Variants in TNKS observed in about 807,000 individuals in gnomAD.
The protein encoded by TNKS is tankyrase.
In TNKS, 72 loss-of-function variants were observed where a neutral mutation model predicts 135.8. The ratio of observed to expected loss-of-function variants is 0.53; its 90% CI spans 0.44 to 0.64. The LOEUF (loss-of-function observed/expected upper bound fraction) is 0.64, where lower values mean the gene tolerates loss of function less well. Ranked by LOEUF, TNKS falls within the 30% of genes least tolerant of loss-of-function variation. TNKS has a pLI of 0.00. For synonymous variants in TNKS, 849 were observed against 649.3 expected (o/e 1.31, Z -4.68); for missense variants, 1,769 against 1,674.0 (o/e 1.06, Z -0.99).
intron 26 of TNKS, 31 bp downstream of exon 26, chr8:9,770,293 G>C (rs770382276): frequency 3.8e-6 from 6 of 1,588,708 alleles, no homozygotes; most frequent in South Asian, 3.4e-5. Context: ...GCATAACCAA[G>C]TTCACAAACA....
In TNKS at chr8:9,777,026, TG is replaced by T; in HGVS notation, c.*292del. The T allele has an allele frequency of 2.8e-6, 1 of 359,168 alleles. No individual in the cohort carries two copies. Among genetic ancestry groups the T allele is most frequent in the Non-Finnish European group, 5.1e-6 (1 of 195,876 alleles). 22.2% of individuals were successfully genotyped at this position (359,168 alleles called of 1,614,324 possible). ...AAACAAGATTGCTTCGATCTAGACT[TG>T]GAAATGGAAAATAAGAAAACCAATG... On this transcript the variant is annotated 3_prime_UTR_variant, in exon 27 of 27. Transcript: ENST00000310430.
intron 2 of TNKS, among the ~76,000 whole-genome samples, chr8:9,594,708 A>C (rs1798709015): frequency 6.6e-6 from 1 of 152,194 alleles, no homozygotes; most frequent in South Asian, 2.1e-4. Flanking sequence ...CATTTTTTAA[A>C]ATCAGTCACC....
intron 21 of TNKS, among the ~76,000 whole-genome samples, chr8:9,762,552 T>TTTAA (rs1267770367): frequency 6.6e-6 from 1 of 152,142 alleles, no homozygotes; most frequent in African/African-American, 2.4e-5. Context: ...CATGATAGAG[T>TTTAA]TTAATTCAAC....
At chr8:9,696,744 G>A (rs960908533) in intron 5 of TNKS, among the ~76,000 whole-genome samples, 1 of 152,108 alleles carries the variant, frequency 6.6e-6, no homozygotes, top group Non-Finnish European at 1.5e-5. Flanking sequence ...AGCTATCCCA[G>A]AGAGATGAAA....
At chr8:9,609,762 G>A (rs749887018) in intron 2 of TNKS, among the ~76,000 whole-genome samples, 6 of 152,144 alleles carry the variant, frequency 3.9e-5, no homozygotes, top group African/African-American at 1.2e-4. Context: ...CTACTCTGCC[G>A]TTACTGAAAA....
At chr8:9,727,258 A>G (rs1007482171) in intron 13 of TNKS, among the ~76,000 whole-genome samples, 1 of 152,148 alleles carries the variant, frequency 6.6e-6, no homozygotes, top group Non-Finnish European at 1.5e-5. Context: ...CAAAAATTTT[A>G]TCAGTCTGTA....
chr8:9,746,543 A>C (rs1316499697), intron 17 of TNKS, among the ~76,000 whole-genome samples: 2 of 151,956 alleles, frequency 1.3e-5, no homozygotes, highest in Non-Finnish European at 2.9e-5. Flanking sequence ...TCCTTTTCCA[A>C]AATATTGTTG....
chr8:9,673,627 G>A (rs1340217593), intron 3 of TNKS, among the ~76,000 whole-genome samples: 1 of 151,770 alleles, frequency 6.6e-6, no homozygotes, highest in Non-Finnish European at 1.5e-5. Flanking sequence ...TGTGTTTTTA[G>A]TAGAGAGGAG....
chr8:9,570,354 G>C (rs2129051282), intron 1 of TNKS, among the ~76,000 whole-genome samples: 1 of 152,170 alleles, frequency 6.6e-6, no homozygotes, highest in Admixed American at 6.5e-5. Context: ...AGGTTCAAGA[G>C]GCCAAAAAAG....
chr8:9,761,819 T>A (rs967566289), intron 21 of TNKS, among the ~76,000 whole-genome samples, 183 bp downstream of exon 21: 2 of 152,188 alleles, frequency 1.3e-5, no homozygotes, highest in African/African-American at 4.8e-5. Context: ...TCTGAGTCAG[T>A]CTTCCCTGTC....
At chr8:9,769,950 T>C (rs1171593629) in intron 25 of TNKS, among the ~76,000 whole-genome samples, 156 bp from the exon 26 acceptor site, 1 of 152,210 alleles carries the variant, frequency 6.6e-6, no homozygotes, top group Non-Finnish European at 1.5e-5. Flanking sequence ...CAAATCATTA[T>C]ATCAAATTCC....
intron 2 of TNKS, among the ~76,000 whole-genome samples, chr8:9,612,362 G>A (rs941622978): frequency 1.3e-5 from 2 of 152,030 alleles, no homozygotes; most frequent in South Asian, 2.1e-4. Flanking sequence ...TCTGGGAATC[G>A]AATTTTATAT....
At chr8:9,620,159 A>G (rs1191567264) in intron 3 of TNKS, among the ~76,000 whole-genome samples, 1 of 152,146 alleles carries the variant, frequency 6.6e-6, no homozygotes, top group Non-Finnish European at 1.5e-5. Flanking sequence ...CACTTTGGCC[A>G]GGATGGTCTC....
At chr8:9,596,874 T>A (rs1798809297) in intron 2 of TNKS, among the ~76,000 whole-genome samples, 1 of 152,260 alleles carries the variant, frequency 6.6e-6, no homozygotes, top group African/African-American at 2.4e-5. Context: ...GGAAATGTTC[T>A]AGTGGGTCCC....
At chr8:9,576,726 G>A (rs553370452) in intron 1 of TNKS, among the ~76,000 whole-genome samples, 3 of 152,068 alleles carry the variant, frequency 2.0e-5, no homozygotes, top group South Asian at 4.2e-4. Flanking sequence ...ATGAGATTTG[G>A]GTGGGGACAC....
intron 5 of TNKS, among the ~76,000 whole-genome samples, chr8:9,682,594 T>C (rs569586697): frequency 2.6e-5 from 4 of 152,214 alleles, no homozygotes; most frequent in African/African-American, 7.2e-5. Flanking sequence ...TTCATAAATA[T>C]CTTTTTCTTT....
chr8:9,756,937 C>A lies in TNKS; in HGVS notation c.3153+4311C>A, dbSNP rs562074698. Among the ~76,000 whole-genome samples the A allele has an allele frequency of 1.4e-4, 21 of 152,106 alleles. 2 individuals carry two copies. The highest frequency in any genetic ancestry group is 5.1e-4 in the African/African-American group (21 of 41,484). On this transcript the variant is annotated intron_variant, in intron 20 of 26. Coordinates refer to ENST00000310430, the MANE Select transcript of TNKS (RefSeq NM_003747.3). ...ATATTACTCTGCTGAAAAGACTTCC[C>A]AGGGCCTTTGGTATACTTTTTTTGT... is the stretch of plus-strand genomic sequence containing the variant.
intron 24 of TNKS, 51 bp downstream of exon 24, chr8:9,765,848 T>A: frequency 6.8e-7 from 1 of 1,467,802 alleles, no homozygotes; most frequent in Non-Finnish European, 9.5e-7. Context: ...TTTGCAGGAG[T>A]CAGTAAAGGG....
chr8:9,575,134 TG>T (rs1797897932), intron 1 of TNKS: 1 of 925,768 alleles, frequency 1.1e-6, no homozygotes, highest in Non-Finnish European at 1.3e-6. Context: ...TTGCCCAGGC[TG>T]GAGTATAGGG....
Sources: gnomAD v4.1 joint callset for allele counts (sites outside exome capture counted in the v4.1 genomes callset) on GRCh38, gnomAD v4.1.1 for gene constraint, MANE v1.5 for transcripts, NCBI Gene and HGNC (gene_info 2026-07-23, HGNC 2026-07-21) for gene names.